ABCB10: variants seen among roughly 807,000 people sequenced by gnomAD.
The protein encoded by ABCB10 is ATP binding cassette subfamily B member 10, also known as ATP-binding cassette sub-family B member 10, mitochondrial.
In ABCB10, 54 loss-of-function variants were observed where a neutral mutation model predicts 65.4. The ratio of observed to expected loss-of-function variants is 0.83; its 90% CI spans 0.66 to 1.04. The LOEUF (loss-of-function observed/expected upper bound fraction) is 1.04, where lower values mean the gene tolerates loss of function less well. Among genes scored for constraint, ABCB10 ranks in the 50% least tolerant of loss-of-function variants. ABCB10 has a pLI of 0.00. For missense variants in ABCB10, 846 were observed against 976.6 expected, an observed-to-expected ratio of 0.87 and a Z score of 1.78; for synonymous variants, 418 against 406.5, an observed-to-expected ratio of 1.03 and a Z score of -0.34.
chr1:229,528,703 T>A (rs1033593980), intron 8 of ABCB10, among the ~76,000 whole-genome samples: 26 of 151,980 alleles, frequency 1.7e-4, no homozygotes, highest in African/African-American at 5.1e-4. Flanking sequence ...TTTTTTTTTT[T>A]AATAAATAGT....
intron 11 of ABCB10, 113 bp downstream of exon 11, chr1:229,521,479 A>C: frequency 1.5e-6 from 2 of 1,347,196 alleles, no homozygotes; most frequent in Non-Finnish European, 2.1e-6. Flanking sequence ...CCAAGAAAAA[A>C]AAAAAAACAA....
intron 6 of ABCB10, among the ~76,000 whole-genome samples, chr1:229,532,783 A>G (rs1004191778): frequency 1.9e-4 from 29 of 152,100 alleles, no homozygotes; most frequent in Non-Finnish European, 1.5e-4. Flanking sequence ...TGGGAGGCTG[A>G]GGCAGGAGGA....
chr1:229,525,031 C>T (rs1276877671), intron 10 of ABCB10, among the ~76,000 whole-genome samples: 3 of 151,920 alleles, frequency 2.0e-5, no homozygotes, highest in African/African-American at 7.3e-5. Flanking sequence ...CTTTTTGTAT[C>T]TTTAGTAGAG....
intron 6 of ABCB10, among the ~76,000 whole-genome samples, chr1:229,534,712 T>C (rs570393413): frequency 4.6e-5 from 7 of 150,892 alleles, no homozygotes; most frequent in Admixed American, 3.9e-4. Flanking sequence ...CTACTAAAAA[T>C]ACAAAAAAAA....
Position 229,550,525 on chromosome 1 carries a change from C to CAAAAAAAAAAA in ABCB10, c.518-1102_518-1092dup, listed in dbSNP as rs60323914. ...GGGTGACACAGCAATATGCTGTCTCCAAAAAAAAAAAAAAAAAAAAAAATT... is the reference window on the plus strand; with the variant it reads ...GGGTGACACAGCAATATGCTGTCTCCAAAAAAAAAAAAAAAAAAAAAAAAAAAAAAAAAATT... On this transcript the variant is annotated intron_variant, in intron 1 of 12. Transcript: ENST00000344517. Among the ~76,000 whole-genome samples, 168 of 63,516 alleles carry CAAAAAAAAAAA rather than the reference C, an allele frequency of 2.6e-3. 3 individuals are homozygous for CAAAAAAAAAAA. The highest frequency in any genetic ancestry group is 7.9e-3 in the African/African-American group (106 of 13,436). 41.7% of individuals were successfully genotyped at this position (63,516 alleles called of 152,430 possible). A position where few individuals can be genotyped will look rare whatever the true frequency, so the allele number is the denominator to read the frequency against.
chr1:229,550,909 A>G (rs1422894981), intron 1 of ABCB10, among the ~76,000 whole-genome samples: 2 of 152,042 alleles, frequency 1.3e-5, no homozygotes, highest in South Asian at 2.1e-4. Context: ...GTAACAACAC[A>G]TATCACAGAT....
At chr1:229,530,787 T>C (rs963543037) in intron 7 of ABCB10, among the ~76,000 whole-genome samples, 1 of 152,228 alleles carries the variant, frequency 6.6e-6, no homozygotes, top group African/African-American at 2.4e-5. Flanking sequence ...GCCTTCTCTC[T>C]ATGCCACTGC....
intron 6 of ABCB10, among the ~76,000 whole-genome samples, chr1:229,538,272 G>A (rs1662766422): frequency 6.6e-6 from 1 of 152,208 alleles, no homozygotes; most frequent in South Asian, 2.1e-4. Flanking sequence ...CATGCCAAAT[G>A]ATTCAGAGGA....
chr1:229,556,778 T>A (rs1558131109), intron 1 of ABCB10, among the ~76,000 whole-genome samples: 1 of 152,168 alleles, frequency 6.6e-6, no homozygotes, highest in Non-Finnish European at 1.5e-5. Context: ...CACCCGATGA[T>A]GCTCAGGGTT....
chr1:229,525,831 C>T, intron 10 of ABCB10, 105 bp downstream of exon 10: 1 of 1,389,232 alleles, frequency 7.2e-7, no homozygotes, highest in Non-Finnish European at 9.8e-7. Context: ...GAGCAAGACT[C>T]AAGACTCCGT....
Position 229,517,996 on chromosome 1 carries a change from ACT to A in ABCB10, c.*181_*182del, listed in dbSNP as rs368374346. On this transcript the variant is annotated 3_prime_UTR_variant, in exon 13 of 13. Coordinates refer to ENST00000344517, the MANE Select transcript of ABCB10 (RefSeq NM_012089.3). ...CATTTAAAAAGTTACAATTATTAAA[ACT>A]CTGAATAAAAAGATCTTGAGAACAG... 22 of 586,388 alleles carry A rather than the reference ACT, an allele frequency of 3.8e-5. No homozygotes were observed. The highest frequency in any genetic ancestry group is 2.3e-4 in the East Asian group (8 of 35,114). The allele number at this position is 586,388 out of a possible 1,614,324, so 36.3% of individuals were successfully genotyped here. A position where few individuals can be genotyped will look rare whatever the true frequency, so the allele number is the denominator to read the frequency against.
chr1:229,557,485 C>T lies in ABCB10; in HGVS notation c.517+651G>A, dbSNP rs573545383. 2.2e-4 allele frequency among the ~76,000 whole-genome samples: 34 copies of T among 152,314 alleles called. No homozygotes were observed. The South Asian group carries it at 6.8e-3, about 31-fold the overall frequency. On this transcript the variant is annotated intron_variant, in intron 1 of 12. Transcript: ENST00000344517. ...AAGGCCCTTGCATCTAAACACTCCT[C>T]CAATTATGGCTAAAAAATGAGGAGC... is the stretch of plus-strand genomic sequence containing the variant.
chr1:229,554,815 A>G (rs1663206506), intron 1 of ABCB10, among the ~76,000 whole-genome samples: 1 of 152,010 alleles, frequency 6.6e-6, no homozygotes, highest in Non-Finnish European at 1.5e-5. Context: ...CGGGATCTCC[A>G]TCCTCACTGG....
chr1:229,526,987 G>A (rs1486511239), intron 9 of ABCB10, among the ~76,000 whole-genome samples: 1 of 152,056 alleles, frequency 6.6e-6, no homozygotes, highest in Non-Finnish European at 1.5e-5. Flanking sequence ...AGACTATCTA[G>A]TAATGGTAGT....
chr1:229,521,640 CA>C lies in ABCB10; in HGVS notation c.1907-6del, dbSNP rs746564965. 6.2e-7 allele frequency: 1 copy of C among 1,612,698 alleles called. No individual in the cohort carries two copies. The highest frequency in any genetic ancestry group is 1.7e-5 in the Admixed American group (1 of 59,912). ...CAATCCGCTGTTTCTGCCCACCTGACAAAGACAACATTTAAAAAAAGAAGGC... is the reference window on the plus strand; with the variant it reads ...CAATCCGCTGTTTCTGCCCACCTGACAAGACAACATTTAAAAAAAGAAGGC... On this transcript the variant is annotated splice_polypyrimidine_tract_variant and splice_region_variant and intron_variant, in intron 10 of 12. Coordinates refer to ENST00000344517, the MANE Select transcript of ABCB10 (RefSeq NM_012089.3).
intron 7 of ABCB10, 43 bp from the exon 8 acceptor site, chr1:229,530,451 T>G (rs1363868617): frequency 6.2e-7 from 1 of 1,603,950 alleles, no homozygotes; most frequent in Non-Finnish European, 8.5e-7. Flanking sequence ...AGCAAAAAAT[T>G]AAACTCAAAA....
intron 3 of ABCB10, 38 bp from the exon 4 acceptor site, chr1:229,542,409 C>T: frequency 6.3e-7 from 1 of 1,597,148 alleles, no homozygotes; most frequent in South Asian, 1.1e-5. Context: ...GTGTTTGTTA[C>T]ATTGGGTGGC....
At chr1:229,531,588 C>G (rs1277657471) in intron 7 of ABCB10, 48 bp downstream of exon 7, 3 of 1,576,438 alleles carry the variant, frequency 1.9e-6, no homozygotes, top group Non-Finnish European at 2.6e-6. Flanking sequence ...TCTCATTGTT[C>G]AAAGCCACAT....
intron 3 of ABCB10, among the ~76,000 whole-genome samples, chr1:229,546,490 T>C (rs185096432): frequency 4.6e-5 from 7 of 152,280 alleles, no homozygotes; most frequent in Admixed American, 1.3e-4. Context: ...AAAGAAATAA[T>C]ATAAAATACC....
Sources: allele counts gnomAD v4.1 joint callset (sites outside exome capture counted in the v4.1 genomes callset), GRCh38; gene constraint gnomAD v4.1.1; transcripts MANE v1.5; gene names NCBI Gene and HGNC (gene_info 2026-07-23, HGNC 2026-07-21).